Variants in RPS6KA2 observed in about 807,000 individuals in gnomAD.
The protein encoded by RPS6KA2 is ribosomal protein S6 kinase A2.
A neutral mutation model predicts 91.8 loss-of-function variants in RPS6KA2; 42 were observed. The observed-to-expected ratio is 0.46, with a 90% confidence interval of 0.36 to 0.59. RPS6KA2 has a LOEUF of 0.59. Among genes scored for constraint, RPS6KA2 ranks in the 20% least tolerant of loss-of-function variants. The pLI is 0.00. For missense variants in RPS6KA2, 798 were observed against 978.5 expected (o/e 0.82, Z 2.46); for synonymous variants, 414 against 393.6 (o/e 1.05, Z -0.61).
Position 166,819,160 on chromosome 6 carries a change from T to C in RPS6KA2, c.123+39040A>G, listed in dbSNP as rs184270400. ...TGCCAACCTTAGCTTTCGCACCCCATTGCTACTCATTCTTCTTCCCTATAA... is the reference window on the plus strand; with the variant it reads ...TGCCAACCTTAGCTTTCGCACCCCACTGCTACTCATTCTTCTTCCCTATAA... On this transcript the variant is annotated intron_variant, in intron 2 of 21. Coordinates refer to the RPS6KA2 transcript ENST00000503859. Among the ~76,000 whole-genome samples the C allele has an allele frequency of 4.7e-4, 71 of 152,280 alleles. 2 individuals carry two copies. Among genetic ancestry groups the C allele is most frequent in the Admixed American group, 4.3e-3 (66 of 15,288 alleles).
At chr6:166,509,445 CT>C (rs2128482303) in intron 4 of RPS6KA2, 1 of 169,686 alleles carries the variant, frequency 5.9e-6, no homozygotes, top group South Asian at 2.0e-4. Context: ...TGCAACTGCG[CT>C]GCCCACGGCC....
chr6:166,607,772 T>C (rs1786006871), intron 1 of RPS6KA2, among the ~76,000 whole-genome samples: 3 of 152,222 alleles, frequency 2.0e-5, no homozygotes, highest in African/African-American at 2.4e-5. Context: ...CAAAGCTGTA[T>C]GCAAAAACAG....
At chr6:166,565,503 A>G (rs769337900) in intron 1 of RPS6KA2, among the ~76,000 whole-genome samples, 10 of 152,232 alleles carry the variant, frequency 6.6e-5, no homozygotes, top group African/African-American at 9.6e-5. Context: ...CTCTGCCTAC[A>G]GTGCCATCCA....
Position 166,420,446 on chromosome 6 carries a change from G to A in RPS6KA2, c.1744-488C>T, listed in dbSNP as rs542617123. ...CCCAACACCTACCCTTCTACTGTCC[G>A]TCTGTGTGAATCTGACTCCTCCAGG... On this transcript the variant is annotated intron_variant, in intron 17 of 20. Coordinates refer to ENST00000265678, the MANE Select transcript of RPS6KA2 (RefSeq NM_021135.6). 2.0e-3 allele frequency among the ~76,000 whole-genome samples: 307 copies of A among 152,140 alleles called. 1 individual carries two copies. The highest frequency in any genetic ancestry group is 3.2e-3 in the Non-Finnish European group (220 of 68,004).
chr6:166,800,220 C>T (rs1339050765), intron 2 of RPS6KA2, among the ~76,000 whole-genome samples: 1 of 152,202 alleles, frequency 6.6e-6, no homozygotes, highest in Non-Finnish European at 1.5e-5. Flanking sequence ...ATTAGGCCAA[C>T]GTACCAGGAG....
At chr6:166,763,708 G>A (rs1778231383) in intron 2 of RPS6KA2, among the ~76,000 whole-genome samples, 1 of 152,206 alleles carries the variant, frequency 6.6e-6, no homozygotes, top group South Asian at 2.1e-4. Context: ...TTGAGAAAAG[G>A]CGTTTCGTAA....
At chr6:166,703,124 A>G (rs1226711863) in intron 2 of RPS6KA2, among the ~76,000 whole-genome samples, 2 of 152,206 alleles carry the variant, frequency 1.3e-5, no homozygotes, top group African/African-American at 4.8e-5. Context: ...GTCATTTTTT[A>G]ACCATAATGC....
intron 1 of RPS6KA2, among the ~76,000 whole-genome samples, chr6:166,580,943 C>T (rs933613570): frequency 6.6e-6 from 1 of 152,078 alleles, no homozygotes; most frequent in African/African-American, 2.4e-5. Context: ...ATTCTGTTGC[C>T]CAGGCTGGAA....
At chr6:166,521,800 G>T (rs866739027) in intron 3 of RPS6KA2, among the ~76,000 whole-genome samples, 15 of 152,226 alleles carry the variant, frequency 9.9e-5, no homozygotes, top group South Asian at 2.1e-4. Flanking sequence ...ATGAATTTTA[G>T]GGACTGGGGT....
rs570656457 is a variant in RPS6KA2 at position 166,495,324 on chromosome 6, G to A, written c.747+3184C>T. Among the ~76,000 whole-genome samples, 2 of 152,168 alleles carry A rather than the reference G, an allele frequency of 1.3e-5. No individual in the cohort carries two copies. The highest frequency in any genetic ancestry group is 2.4e-5 in the African/African-American group (1 of 41,464). ...AGAGTGACACAGCAGTTCTGGAGCCGGACCCCTTCCCCAGCTGTCACGAGA... is the reference window on the plus strand; with the variant it reads ...AGAGTGACACAGCAGTTCTGGAGCCAGACCCCTTCCCCAGCTGTCACGAGA... On this transcript the variant is annotated intron_variant, in intron 8 of 20. Coordinates refer to ENST00000265678, the MANE Select transcript of RPS6KA2 (RefSeq NM_021135.6). The surrounding 1 kb of genome is among the most constrained non-coding windows in gnomAD (Gnocchi z 4.4).
intron 10 of RPS6KA2, among the ~76,000 whole-genome samples, chr6:166,483,723 T>A (rs916247649): frequency 3.3e-5 from 5 of 152,300 alleles, no homozygotes; most frequent in South Asian, 4.2e-4. Flanking sequence ...GACCCAGGCC[T>A]CTGCGACAGC....
intron 1 of RPS6KA2, chr6:166,862,030 A>C: frequency 6.3e-7 from 1 of 1,580,752 alleles, no homozygotes; most frequent in Non-Finnish European, 8.7e-7. Flanking sequence ...AACTGATTAT[A>C]GTAAATGAGC....
At position 166,700,501 on chromosome 6, in the gene RPS6KA2, A is replaced by G. The variant is rs183299953; in HGVS notation, c.123+157699T>C. 5.3e-4 allele frequency among the ~76,000 whole-genome samples: 81 copies of G among 151,736 alleles called. 1 individual carries two copies. The East Asian group carries it at 0.014, about 25-fold the overall frequency. On this transcript the variant is annotated intron_variant, in intron 2 of 21. Coordinates refer to the RPS6KA2 transcript ENST00000503859. ...AGTATATAAAATTTTCAAAAAAAAA[A>G]GAACAATTTTGCTTTTCATTGTATT...
chr6:166,691,503 C>T (rs746558013), intron 2 of RPS6KA2, among the ~76,000 whole-genome samples: 3 of 152,128 alleles, frequency 2.0e-5, no homozygotes, highest in Non-Finnish European at 4.4e-5. Context: ...TGCACACAAG[C>T]GCATCTCACC....
At chr6:166,491,783 T>C (rs113229086) in intron 8 of RPS6KA2, among the ~76,000 whole-genome samples, 38 of 152,356 alleles carry the variant, frequency 2.5e-4, no homozygotes, top group African/African-American at 8.2e-4. Flanking sequence ...CCCAAAGATA[T>C]CCAAACTTAA....
chr6:166,773,986 T>C (rs1398847202), intron 2 of RPS6KA2, among the ~76,000 whole-genome samples: 1 of 152,210 alleles, frequency 6.6e-6, no homozygotes, highest in Non-Finnish European at 1.5e-5. Context: ...AAATAAACTA[T>C]CAGAAATTTC....
chr6:166,785,543 G>A (rs190613513), intron 2 of RPS6KA2, among the ~76,000 whole-genome samples: 62 of 152,372 alleles, frequency 4.1e-4, no homozygotes, highest in African/African-American at 1.5e-3. Flanking sequence ...GCCAGGCATG[G>A]TGCTCCTGGT....
At chr6:166,703,957 A>G (rs565414424) in intron 2 of RPS6KA2, among the ~76,000 whole-genome samples, 1 of 152,350 alleles carries the variant, frequency 6.6e-6, no homozygotes, top group South Asian at 2.1e-4. Context: ...TTATAAGACA[A>G]TTTCAATTCT....
intron 19 of RPS6KA2, among the ~76,000 whole-genome samples, chr6:166,416,728 CCTCCACAATCACCTCCATCATCA>C (rs1778544722): frequency 1.3e-5 from 2 of 151,738 alleles, no homozygotes; most frequent in South Asian, 4.2e-4. Flanking sequence ...CTCCACCATC[CCTCCACAATCACCTCCATCATCA>C]CTCCTGCCAT....
Sources: gnomAD v4.1 joint callset for allele counts (sites outside exome capture counted in the v4.1 genomes callset) on GRCh38, gnomAD v4.1.1 for gene constraint, Gnocchi (gnomAD v3.1) non-coding constraint, MANE v1.5 for transcripts, NCBI Gene and HGNC (gene_info 2026-07-23, HGNC 2026-07-21) for gene names.